ZNF398: variants seen among roughly 807,000 people sequenced by gnomAD.
ZNF398 encodes zinc finger protein 398, also known as zinc finger DNA binding protein ZER6.
A neutral mutation model predicts 41.9 loss-of-function variants in ZNF398; 18 were observed. That is an observed-to-expected ratio of 0.43 (90% confidence interval 0.30 to 0.64). The LOEUF (loss-of-function observed/expected upper bound fraction) is 0.64, where lower values mean the gene tolerates loss of function less well. ZNF398 is among the 30% of genes least tolerant of loss of function. The probability of loss-of-function intolerance (pLI) is 0.14; values close to 1 mark genes in which losing one functional copy is unlikely to be tolerated. For missense variants in ZNF398, 669 were observed against 822.8 expected, an observed-to-expected ratio of 0.81 and a Z score of 2.29; for synonymous variants, 260 against 308.8, an observed-to-expected ratio of 0.84 and a Z score of 1.66.
At chr7:149,127,297 G>GAAAT (rs57887476) in intron 1 of ZNF398, among the ~76,000 whole-genome samples, 88,418 of 151,310 alleles carry the variant, frequency 0.58, 27,443 homozygotes, top group East Asian at 0.9. Context: ...ATGTCCATGA[G>GAAAT]AAAGTAGTCC....
Position 149,154,351 on chromosome 7 carries a change from C to T in ZNF398, c.420+11C>T. 1 of 1,591,074 alleles carries T rather than the reference C, an allele frequency of 6.3e-7. No individual in the cohort carries two copies. Among genetic ancestry groups the T allele is most frequent in the Non-Finnish European group, 8.6e-7 (1 of 1,167,386 alleles). On this transcript the variant is annotated intron_variant, in intron 2 of 5. Coordinates refer to ENST00000475153, the MANE Select transcript of ZNF398 (RefSeq NM_170686.3). Reference sequence around the variant, plus strand: ...GGAGATATCCCAAAGGTAATACCTTCATTTCTAGATGTAAAGTGGTACCAC... The same window carrying T: ...GGAGATATCCCAAAGGTAATACCTTTATTTCTAGATGTAAAGTGGTACCAC...
In ZNF398 at chr7:149,156,703, A is replaced by T. The variant is rs539203000; in HGVS notation, c.420+2363A>T. 4.6e-5 allele frequency among the ~76,000 whole-genome samples: 7 copies of T among 151,030 alleles called. No homozygotes were observed. In the South Asian group the frequency reaches 1.5e-3, roughly 32 times the overall value. On this transcript the variant is annotated intron_variant, in intron 2 of 5. Coordinates refer to ENST00000475153, the MANE Select transcript of ZNF398 (RefSeq NM_170686.3). The stretch of plus-strand genomic sequence containing the variant: ...GAGAAACCCCATCTCTACTAAATAT[A>T]CAAAAAAATTAGCTGGGCCTGGTGG...
chr7:149,163,987 C>G (rs1331467815), intron 2 of ZNF398, among the ~76,000 whole-genome samples: 1 of 152,118 alleles, frequency 6.6e-6, no homozygotes, highest in Non-Finnish European at 1.5e-5. Flanking sequence ...TGGTGTGCAC[C>G]TGTAATCCCA....
At chr7:149,176,418 C>T in intron 4 of ZNF398, 50 bp from the exon 5 acceptor site, 1 of 1,200,824 alleles carries the variant, frequency 8.3e-7, no homozygotes. Context: ...ATTATCTTAC[C>T]TTCTTATTCA....
chr7:149,135,818 A>G (rs991665087), intron 2 of ZNF398, among the ~76,000 whole-genome samples: 3 of 152,002 alleles, frequency 2.0e-5, no homozygotes, highest in African/African-American at 7.2e-5. Context: ...TTAGCTGGGC[A>G]TGGTGGTGCG....
At chr7:149,170,944 A>G (rs1171664737) in intron 4 of ZNF398, among the ~76,000 whole-genome samples, 2 of 150,910 alleles carry the variant, frequency 1.3e-5, no homozygotes, top group African/African-American at 4.9e-5. Flanking sequence ...CCTGGGTTCA[A>G]GTGATTCTCC....
chr7:149,143,922 A>C (rs112783272), upstream of ZNF398, among the ~76,000 whole-genome samples: 371 of 152,336 alleles, frequency 2.4e-3, 2 homozygotes, highest in African/African-American at 8.4e-3. Context: ...TATGTATAGC[A>C]GCAAGAGCAG....
intron 2 of ZNF398, among the ~76,000 whole-genome samples, chr7:149,133,691 G>A (rs999976382): frequency 0.058 from 2,013 of 34,874 alleles, 85 homozygotes; most frequent in South Asian, 0.14. Flanking sequence ...ATATATATGT[G>A]TGTATATATA....
intron 4 of ZNF398, among the ~76,000 whole-genome samples, chr7:149,167,616 T>C (rs901108649): frequency 6.6e-6 from 1 of 151,814 alleles, no homozygotes; most frequent in Non-Finnish European, 1.5e-5. Flanking sequence ...CATATAGTTA[T>C]TTTTTTCTTT....
At chr7:149,142,563 A>T (rs1826849996), upstream of ZNF398, among the ~76,000 whole-genome samples, 1 of 152,218 alleles carries the variant, frequency 6.6e-6, no homozygotes, top group African/African-American at 2.4e-5. Context: ...GCTACTCGGG[A>T]GGCTGAGGCA....
chr7:149,140,382 A>C (rs1364291790), intron 2 of ZNF398, among the ~76,000 whole-genome samples: 1 of 152,094 alleles, frequency 6.6e-6, no homozygotes, highest in African/African-American at 2.4e-5. Flanking sequence ...TCATAACAGT[A>C]CATAAAATAC....
At chr7:149,170,945 G>A (rs1795324337) in intron 4 of ZNF398, among the ~76,000 whole-genome samples, 2 of 149,994 alleles carry the variant, frequency 1.3e-5, no homozygotes, top group Admixed American at 1.3e-4. Context: ...CTGGGTTCAA[G>A]TGATTCTCCT....
chr7:149,134,290 G>A (rs867461693), intron 2 of ZNF398, among the ~76,000 whole-genome samples: 89 of 151,710 alleles, frequency 5.9e-4, no homozygotes, highest in African/African-American at 1.9e-3. Context: ...CACCATGTTG[G>A]CCAGGCTGGT....
intron 2 of ZNF398, among the ~76,000 whole-genome samples, chr7:149,141,749 C>T (rs892928082): frequency 2.6e-5 from 4 of 151,842 alleles, no homozygotes; most frequent in Non-Finnish European, 4.4e-5. Context: ...CCACTGTGCC[C>T]GGCCTAATTT....
At chr7:149,174,718 A>G (rs1425847432) in intron 4 of ZNF398, among the ~76,000 whole-genome samples, 1 of 152,098 alleles carries the variant, frequency 6.6e-6, no homozygotes, top group Admixed American at 6.6e-5. Flanking sequence ...CCCAGCTACT[A>G]GGGAGACCGA....
At position 149,158,097 on chromosome 7, in the gene ZNF398, A is replaced by T. The variant is rs1205927963; in HGVS notation, c.420+3757A>T. ...ACTCCGTCTCCAAAAAACGAATAAA[A>T]ATAAAAATCAAAAAGAAGGAAAGGC... On this transcript the variant is annotated intron_variant, in intron 2 of 5. Coordinates refer to ENST00000475153, the MANE Select transcript of ZNF398 (RefSeq NM_170686.3). Among the ~76,000 whole-genome samples, 5 of 152,330 alleles carry T rather than the reference A, an allele frequency of 3.3e-5. No individual in the cohort carries two copies. In the East Asian group the frequency reaches 9.6e-4, roughly 29 times the overall value.
At chr7:149,133,544 A>C (rs1475875265) in intron 2 of ZNF398, among the ~76,000 whole-genome samples, 3 of 151,164 alleles carry the variant, frequency 2.0e-5, no homozygotes, top group African/African-American at 7.3e-5. Flanking sequence ...TGAAGTTGCT[A>C]CAGTTCAAAG....
In ZNF398 at chr7:149,152,200, C is replaced by G. The variant is rs371518423; in HGVS notation, c.25-1745C>G. ...CTGTACTCCAGCCTGGGCGACAGAGCGAGACTCTGTCTCAAGAAATAAATA... is the reference window on the plus strand; with the variant it reads ...CTGTACTCCAGCCTGGGCGACAGAGGGAGACTCTGTCTCAAGAAATAAATA... On this transcript the variant is annotated intron_variant, in intron 1 of 5. Coordinates refer to ENST00000475153, the MANE Select transcript of ZNF398 (RefSeq NM_170686.3). Among the ~76,000 whole-genome samples the G allele has an allele frequency of 8.1e-3, 1,225 of 151,200 alleles. 10 individuals are homozygous for G. The highest frequency in any genetic ancestry group is 0.013 in the Non-Finnish European group (870 of 67,864).
Position 149,182,936 on chromosome 7 carries a change from C to G in ZNF398, c.*3135C>G, listed in dbSNP as rs1235999844. On this transcript the variant is annotated 3_prime_UTR_variant, in exon 6 of 6. Coordinates refer to ENST00000475153, the MANE Select transcript of ZNF398 (RefSeq NM_170686.3). ...TCTGCTGGGCTTCTCTTGAGCATAT[C>G]TGAGAAGTGATGTTCATGTCTATCT... 1.3e-5 allele frequency: 2 copies of G among 150,572 alleles called. No homozygotes were observed. Among genetic ancestry groups the G allele is most frequent in the Non-Finnish European group, 1.5e-5 (1 of 67,898 alleles). 9.3% of individuals were successfully genotyped at this position (150,572 alleles called of 1,614,324 possible).
Sources: gnomAD v4.1 joint callset for allele counts (sites outside exome capture counted in the v4.1 genomes callset) on GRCh38, gnomAD v4.1.1 for gene constraint, MANE v1.5 for transcripts, NCBI Gene and HGNC (gene_info 2026-07-23, HGNC 2026-07-21) for gene names.